The following WSCD1 variants were observed in gnomAD, a reference collection of about 807,000 sequenced individuals.
WSCD1 encodes WSC domain sialate O sulfotransferase 1.
In WSCD1, 41 loss-of-function variants were observed where a neutral mutation model predicts 60.4. That is an observed-to-expected ratio of 0.68 (90% CI 0.53 to 0.88). WSCD1 has a LOEUF of 0.88. Ranked by LOEUF, WSCD1 falls within the 40% of genes least tolerant of loss-of-function variation. The pLI is 0.00. For missense variants in WSCD1, 784 were observed against 796.2 expected (o/e 0.98, Z 0.18); for synonymous variants, 361 against 332.5 (o/e 1.09, Z -0.93).
rs186990693 is a variant in WSCD1, at chr17:6,113,683, A to G, written c.1174+2748A>G. On this transcript the variant is annotated intron_variant, in intron 7 of 8. Transcript: ENST00000317744. ...TCTGATTTAAAAATGGACAGATGAT[A>G]TGAATAGACATTTATCAAAAGAAGA... Among the ~76,000 whole-genome samples, 24 of 152,322 alleles carry G rather than the reference A, an allele frequency of 1.6e-4. No individual in the cohort carries two copies. The East Asian group carries it at 4.2e-3, about 27-fold the overall frequency.
intron 1 of WSCD1, among the ~76,000 whole-genome samples, chr17:6,073,736 A>G (rs1597347640): frequency 2.0e-5 from 3 of 152,376 alleles, no homozygotes; most frequent in African/African-American, 7.2e-5. Flanking sequence ...CAGGAAAGGA[A>G]AAATGCCGGC....
chr17:6,102,102 T>C (rs917364764), intron 5 of WSCD1, among the ~76,000 whole-genome samples: 7 of 152,262 alleles, frequency 4.6e-5, no homozygotes, highest in African/African-American at 1.7e-4. Flanking sequence ...TTTGGGCGTC[T>C]AAATTCTTTA....
In WSCD1 at chr17:6,095,026, G is replaced by A. The variant is rs1910327244; in HGVS notation, c.728-76G>A. The A allele has an allele frequency of 3.9e-6, 6 of 1,550,400 alleles. No individual in the cohort carries two copies. In the South Asian group the frequency reaches 5.0e-5, roughly 13 times the overall value. On this transcript the variant is annotated intron_variant, in intron 4 of 8. Transcript: ENST00000317744. ...ATTTATACCTGTCTCAGGACCTAAA[G>A]CCAGCATTTTCCCTGGTGACAGGCA... is the stretch of plus-strand genomic sequence containing the variant.
intron 7 of WSCD1, among the ~76,000 whole-genome samples, 185 bp downstream of exon 7, chr17:6,111,120 G>A (rs1431954824): frequency 6.6e-6 from 1 of 152,042 alleles, no homozygotes; most frequent in African/African-American, 2.4e-5. Flanking sequence ...AGCCCGCCTG[G>A]TGGTCCCCAT....
Position 6,096,354 on chromosome 17 carries a change from C to T in WSCD1, c.849+1131C>T, listed in dbSNP as rs73347036. Among the ~76,000 whole-genome samples the T allele has an allele frequency of 1.3e-3, 198 of 152,264 alleles. 1 individual carries two copies. Among genetic ancestry groups the T allele is most frequent in the African/African-American group, 4.3e-3 (178 of 41,548 alleles). The stretch of plus-strand genomic sequence containing the variant: ...GATGTGATCGGATCTGCAGGAGCAG[C>T]ACAGCCATCCTCTGCTGCACCCCCC... On this transcript the variant is annotated intron_variant, in intron 5 of 8. Coordinates refer to ENST00000317744, the MANE Select transcript of WSCD1 (RefSeq NM_015253.2).
chr17:6,104,526 C>G (rs1430735262), intron 5 of WSCD1, among the ~76,000 whole-genome samples: 2 of 152,176 alleles, frequency 1.3e-5, no homozygotes, highest in African/African-American at 4.8e-5. Flanking sequence ...TCACAAGGCC[C>G]CATTCTCAGT....
chr17:6,102,149 CT>C (rs1441201390), intron 5 of WSCD1, among the ~76,000 whole-genome samples: 1 of 152,214 alleles, frequency 6.6e-6, no homozygotes, highest in Non-Finnish European at 1.5e-5. Flanking sequence ...ATTGACATTT[CT>C]TCTAAGTTTT....
rs1047567079 is a variant in WSCD1, at chr17:6,090,593, C to G, written c.727+88C>G. The G allele has an allele frequency of 2.0e-6, 3 of 1,520,770 alleles. No individual in the cohort carries two copies. The African/African-American group carries it at 4.2e-5, about 21-fold the overall frequency. 94.2% of individuals were successfully genotyped at this position (1,520,770 alleles called of 1,614,324 possible). A position where few individuals can be genotyped will look rare whatever the true frequency, so the allele number is the denominator to read the frequency against. ...CCCCACAACCTCTCAATGAAACTAC[C>G]TGGGGCAGAACCTGTGCCAACCTCT... On this transcript the variant is annotated intron_variant, in intron 4 of 8. Coordinates refer to ENST00000317744, the MANE Select transcript of WSCD1 (RefSeq NM_015253.2).
chr17:6,092,561 G>A (rs975493736), intron 4 of WSCD1, among the ~76,000 whole-genome samples: 5 of 152,182 alleles, frequency 3.3e-5, no homozygotes, highest in East Asian at 3.9e-4. Context: ...GCCATGGCAC[G>A]TGGGCACAGT....
intron 4 of WSCD1, among the ~76,000 whole-genome samples, chr17:6,091,484 C>A (rs1276537019): frequency 6.6e-6 from 1 of 152,082 alleles, no homozygotes; most frequent in Non-Finnish European, 1.5e-5. Context: ...GGGAAGGAGG[C>A]CTTGGGCTTC....
intron 5 of WSCD1, among the ~76,000 whole-genome samples, chr17:6,102,989 TA>T (rs1264177049): frequency 6.6e-6 from 1 of 152,220 alleles, no homozygotes; most frequent in African/African-American, 2.4e-5. Flanking sequence ...TAAGACTTTT[TA>T]TACATTTTGG....
At position 6,107,724 on chromosome 17, in the gene WSCD1, G is replaced by A. The variant is rs372164918; in HGVS notation, c.850-1883G>A. 2.2e-4 allele frequency among the ~76,000 whole-genome samples: 33 copies of A among 152,258 alleles called. No individual in the cohort carries two copies. The South Asian group carries it at 5.0e-3, about 23-fold the overall frequency. On this transcript the variant is annotated intron_variant, in intron 5 of 8. Transcript: ENST00000317744. ...TGAAGGTGTTGGTGTGGAATGAGGTGGGATGAGGGTTTTGTGATAGAGGGT... is the reference window on the plus strand; with the variant it reads ...TGAAGGTGTTGGTGTGGAATGAGGTAGGATGAGGGTTTTGTGATAGAGGGT...
At chr17:6,077,371 G>A (rs982269267) in intron 1 of WSCD1, among the ~76,000 whole-genome samples, 2 of 152,198 alleles carry the variant, frequency 1.3e-5, no homozygotes, top group African/African-American at 2.4e-5. Context: ...ACAGGCATGA[G>A]CCACTATGCC....
intron 1 of WSCD1, among the ~76,000 whole-genome samples, chr17:6,073,012 C>A (rs576526690): frequency 7.9e-4 from 121 of 152,310 alleles, no homozygotes; most frequent in Non-Finnish European, 1.2e-3. Flanking sequence ...CCTTTGCTGC[C>A]GGAAGCCCCT....
intron 8 of WSCD1, among the ~76,000 whole-genome samples, chr17:6,119,084 C>T (rs1029399868): frequency 2.0e-5 from 3 of 152,162 alleles, no homozygotes; most frequent in Non-Finnish European, 2.9e-5. Flanking sequence ...GCACTAATTC[C>T]ATCACAAGGG....
In WSCD1 at chr17:6,114,640, C is replaced by T. The variant is rs371633246; in HGVS notation, c.1175-3348C>T. ...ATAAAGAAGATGTACACTTATCATGCATCAGTTTAAAATAATAATAAATAT... is the reference window on the plus strand; with the variant it reads ...ATAAAGAAGATGTACACTTATCATGTATCAGTTTAAAATAATAATAAATAT... On this transcript the variant is annotated intron_variant, in intron 7 of 8. Transcript: ENST00000317744. Among the ~76,000 whole-genome samples, 20 of 151,746 alleles carry T rather than the reference C, an allele frequency of 1.3e-4. 1 individual carries two copies. In the East Asian group the frequency reaches 1.9e-3, roughly 15 times the overall value.
At chr17:6,103,949 C>G (rs1910949289) in intron 5 of WSCD1, among the ~76,000 whole-genome samples, 1 of 152,150 alleles carries the variant, frequency 6.6e-6, no homozygotes, top group African/African-American at 2.4e-5. Context: ...CTGTGTTAGC[C>G]CATTTGCATT....
intron 2 of WSCD1, among the ~76,000 whole-genome samples, chr17:6,086,574 G>A (rs1909664177): frequency 1.3e-5 from 2 of 151,912 alleles, no homozygotes; most frequent in South Asian, 2.1e-4. Flanking sequence ...GGCTGGTCTC[G>A]AACTCCTGAT....
At chr17:6,109,842 A>G in intron 6 of WSCD1, 76 bp downstream of exon 6, 1 of 1,555,758 alleles carries the variant, frequency 6.4e-7, no homozygotes, top group Non-Finnish European at 8.7e-7. Flanking sequence ...TGGAGATGCC[A>G]GTCATGGCCA....
Sources: allele counts gnomAD v4.1 joint callset (sites outside exome capture counted in the v4.1 genomes callset), GRCh38; gene constraint gnomAD v4.1.1; transcripts MANE v1.5; gene names NCBI Gene and HGNC (gene_info 2026-07-23, HGNC 2026-07-21).